VEGFC: variants seen among roughly 807,000 people sequenced by gnomAD.
VEGFC encodes FLT4 ligand DHM.
In VEGFC, 12 loss-of-function variants were observed where a neutral mutation model predicts 46.1. The ratio of observed to expected loss-of-function variants is 0.26; its 90% CI spans 0.17 to 0.42. The LOEUF (loss-of-function observed/expected upper bound fraction) is 0.42, where lower values mean the gene tolerates loss of function less well. Ranked by LOEUF, VEGFC falls within the 10% of genes least tolerant of loss-of-function variation. VEGFC has a pLI of 1.00. For missense variants in VEGFC, 488 were observed against 529.4 expected (o/e 0.92, Z 0.77); for synonymous variants, 232 against 195.5 (o/e 1.19, Z -1.56).
At chr4:176,691,769 T>G (rs1310189259) in intron 4 of VEGFC, among the ~76,000 whole-genome samples, 3 of 152,200 alleles carry the variant, frequency 2.0e-5, no homozygotes, top group African/African-American at 7.2e-5. Context: ...AAACGTTGGG[T>G]AATAATTACC....
chr4:176,739,348 C>T (rs1169183317), intron 1 of VEGFC, among the ~76,000 whole-genome samples: 3 of 151,556 alleles, frequency 2.0e-5, no homozygotes, highest in South Asian at 2.1e-4. Context: ...AAAATCATTG[C>T]CCATCAATGA....
chr4:176,692,646 G>A (rs1299248439), intron 4 of VEGFC, among the ~76,000 whole-genome samples: 3 of 145,316 alleles, frequency 2.1e-5, no homozygotes, highest in African/African-American at 8.2e-5. Context: ...AGGCCTGCCT[G>A]CCTCTGTAGG....
chr4:176,734,400 A>G (rs1262801242), intron 1 of VEGFC, among the ~76,000 whole-genome samples: 1 of 151,880 alleles, frequency 6.6e-6, no homozygotes, highest in African/African-American at 2.4e-5. Context: ...TAATAAATAA[A>G]TTAGTTATTA....
intron 4 of VEGFC, among the ~76,000 whole-genome samples, chr4:176,700,425 AG>A (rs1289825862): frequency 6.6e-6 from 1 of 151,284 alleles, no homozygotes; most frequent in Non-Finnish European, 1.5e-5. Flanking sequence ...AAAAAAAAAA[AG>A]GGTGTTTATA....
chr4:176,684,159 C>A (rs1014143334), intron 6 of VEGFC, 119 bp from the exon 7 acceptor site: 3 of 748,418 alleles, frequency 4.0e-6, no homozygotes, highest in African/African-American at 3.5e-5. Flanking sequence ...AATTTTATGA[C>A]GAAATTGTTC....
intron 1 of VEGFC, among the ~76,000 whole-genome samples, chr4:176,730,402 T>C (rs1037856562): frequency 6.6e-6 from 1 of 152,174 alleles, no homozygotes; most frequent in Non-Finnish European, 1.5e-5. Context: ...TATACTCATT[T>C]AAGTAGAACA....
At position 176,792,423 on chromosome 4, in the gene VEGFC, C is replaced by G; in HGVS notation, c.-112G>C. ...CTGGTCCCTCTCCCCCGGGCTCCTC[C>G]CGGCGACCCCCCCTGGGCGAGCCGG... is the stretch of plus-strand genomic sequence containing the variant. On this transcript the variant is annotated 5_prime_UTR_variant, in exon 1 of 7. Coordinates refer to ENST00000618562, the MANE Select transcript of VEGFC (RefSeq NM_005429.5). This position sits in a 1 kb window ranked among gnomAD's most constrained non-coding sequence, Gnocchi z 6.3. 4 of 843,394 alleles carry G rather than the reference C, an allele frequency of 4.7e-6. 1 individual carries two copies. In the Middle Eastern group the frequency reaches 1.6e-3, roughly 333 times the overall value. 52.2% of individuals were successfully genotyped at this position (843,394 alleles called of 1,614,324 possible).
intron 1 of VEGFC, among the ~76,000 whole-genome samples, chr4:176,749,326 G>C (rs535315856): frequency 6.6e-6 from 1 of 152,024 alleles, no homozygotes; most frequent in South Asian, 2.1e-4. Context: ...AAACAGAAAA[G>C]AGATGTTATA....
chr4:176,775,344 C>A (rs1735797771), intron 1 of VEGFC, among the ~76,000 whole-genome samples: 1 of 152,032 alleles, frequency 6.6e-6, no homozygotes, highest in Non-Finnish European at 1.5e-5. Flanking sequence ...TCTTATTTAT[C>A]ATTTGATGTT....
At chr4:176,758,834 T>C (rs1334762857) in intron 1 of VEGFC, among the ~76,000 whole-genome samples, 1 of 152,136 alleles carries the variant, frequency 6.6e-6, no homozygotes, top group Non-Finnish European at 1.5e-5. Context: ...CCCTTTCCTG[T>C]ACTCATACCA....
rs1179672282 is a variant in VEGFC, at chr4:176,728,065, T to C, written c.362-97A>G. ...AATCACTCACATTCATTTCAGATTT[T>C]AACATTTAAGTTCAATATATAACTA... is the stretch of plus-strand genomic sequence containing the variant. On this transcript the variant is annotated intron_variant, in intron 2 of 6. Coordinates refer to ENST00000618562, the MANE Select transcript of VEGFC (RefSeq NM_005429.5). 4 of 1,039,456 alleles carry C rather than the reference T, an allele frequency of 3.8e-6. No homozygotes were observed. In the African/African-American group the frequency reaches 6.5e-5, roughly 17 times the overall value. The allele number at this position is 1,039,456 out of a possible 1,614,324, so 64.4% of individuals were successfully genotyped here.
intron 3 of VEGFC, 143 bp downstream of exon 3, chr4:176,727,635 A>T (rs1340714459): frequency 2.9e-6 from 2 of 693,290 alleles, no homozygotes; most frequent in Non-Finnish European, 2.1e-6. Context: ...TGAAAAACTG[A>T]CTTCATTCCC....
intron 1 of VEGFC, among the ~76,000 whole-genome samples, chr4:176,786,192 T>C (rs1736000128): frequency 6.6e-6 from 1 of 152,200 alleles, no homozygotes; most frequent in Admixed American, 6.5e-5. Flanking sequence ...GTTAAGCTCC[T>C]TAAAAACCTC....
intron 1 of VEGFC, among the ~76,000 whole-genome samples, chr4:176,731,363 T>C (rs1257209611): frequency 6.6e-6 from 1 of 151,884 alleles, no homozygotes; most frequent in Admixed American, 6.6e-5. Context: ...ATATGTGAGG[T>C]GATGGATATG....
At chr4:176,747,237 A>G (rs1483227905) in intron 1 of VEGFC, among the ~76,000 whole-genome samples, 1 of 152,126 alleles carries the variant, frequency 6.6e-6, no homozygotes, top group African/African-American at 2.4e-5. Context: ...AATTGAAGGC[A>G]TGAACTGAAT....
In VEGFC at chr4:176,711,673, A is replaced by G. The variant is rs750457371; in HGVS notation, c.553-23T>C. 11 of 1,610,378 alleles carry G rather than the reference A, an allele frequency of 6.8e-6. No individual in the cohort carries two copies. The South Asian group carries it at 1.2e-4, about 18-fold the overall frequency. The stretch of plus-strand genomic sequence containing the variant: ...TAACTACAAAGAAGGGACAAAAAGA[A>G]GAAAAAATTATATAGATGCTGTAAA... On this transcript the variant is annotated intron_variant, in intron 3 of 6. Coordinates refer to ENST00000618562, the MANE Select transcript of VEGFC (RefSeq NM_005429.5).
intron 1 of VEGFC, among the ~76,000 whole-genome samples, chr4:176,762,011 T>C (rs1271147874): frequency 6.6e-6 from 1 of 152,172 alleles, no homozygotes; most frequent in African/African-American, 2.4e-5. Flanking sequence ...CCAGCGAAGC[T>C]CAGGGAAGAG....
chr4:176,692,899 GA>G (rs1289580684), intron 4 of VEGFC, among the ~76,000 whole-genome samples: 2 of 147,130 alleles, frequency 1.4e-5, no homozygotes, highest in African/African-American at 5.3e-5. Context: ...TATTCCAACA[GA>G]CCTGCAGCTG....
intron 4 of VEGFC, among the ~76,000 whole-genome samples, chr4:176,698,337 C>G (rs1322484847): frequency 1.3e-5 from 2 of 151,820 alleles, no homozygotes; most frequent in Non-Finnish European, 2.9e-5. Flanking sequence ...TTTGTTTGGT[C>G]TTAGTCAGAA....
Sources: allele counts gnomAD v4.1 joint callset (sites outside exome capture counted in the v4.1 genomes callset), GRCh38; gene constraint gnomAD v4.1.1; non-coding constraint Gnocchi (gnomAD v3.1); transcripts MANE v1.5; gene names NCBI Gene and HGNC (gene_info 2026-07-23, HGNC 2026-07-21).